RAB3C: variants seen among roughly 807,000 people sequenced by gnomAD.
The protein encoded by RAB3C is ras-related protein Rab-3C.
RAB3C carries 17 observed loss-of-function variants against 26.4 expected under a neutral mutation model. That is an observed-to-expected ratio of 0.64 (90% CI 0.44 to 0.97). The LOEUF (loss-of-function observed/expected upper bound fraction) is 0.97, where lower values mean the gene tolerates loss of function less well. Ranked by LOEUF, RAB3C falls within the 50% of genes least tolerant of loss-of-function variation. The pLI is 0.00. For missense variants in RAB3C, 242 were observed against 281.9 expected (o/e 0.86, Z 1.01); for synonymous variants, 91 against 95.9 (o/e 0.95, Z 0.30).
At chr5:58,710,580 A>G (rs1444911017) in intron 2 of RAB3C, among the ~76,000 whole-genome samples, 1 of 150,374 alleles carries the variant, frequency 6.7e-6, no homozygotes, top group African/African-American at 2.5e-5. Context: ...GCCTGGGCAA[A>G]AGAGCAAGAC....
chr5:58,736,594 A>G (rs1413258610), intron 3 of RAB3C, among the ~76,000 whole-genome samples: 1 of 152,222 alleles, frequency 6.6e-6, no homozygotes, highest in Admixed American at 6.5e-5. Flanking sequence ...AACATGAACC[A>G]GTGCAGCCCA....
intron 1 of RAB3C, among the ~76,000 whole-genome samples, chr5:58,595,114 G>A (rs746492891): frequency 6.6e-6 from 1 of 152,156 alleles, no homozygotes; most frequent in Non-Finnish European, 1.5e-5. Flanking sequence ...GACTGATGGA[G>A]AAAGTCAAGG....
chr5:58,718,616 A>C (rs1749222646), intron 2 of RAB3C, among the ~76,000 whole-genome samples: 1 of 152,090 alleles, frequency 6.6e-6, no homozygotes, highest in African/African-American at 2.4e-5. Flanking sequence ...ACTAAACATC[A>C]TGACAAGAAA....
intron 3 of RAB3C, chr5:58,794,647 T>C (rs931499983): frequency 3.3e-5 from 5 of 152,204 alleles, no homozygotes; most frequent in African/African-American, 9.6e-5. Context: ...TAAAAAAACA[T>C]TTATTAAGTG....
At chr5:58,845,006 A>C (rs1743957183) in intron 4 of RAB3C, among the ~76,000 whole-genome samples, 1 of 152,188 alleles carries the variant, frequency 6.6e-6, no homozygotes, top group South Asian at 2.1e-4. Flanking sequence ...GTTGTAATGC[A>C]CTGGAGAAAG....
intron 4 of RAB3C, among the ~76,000 whole-genome samples, chr5:58,845,614 G>A (rs4382118): frequency 0.44 from 25,131 of 57,332 alleles, 3,595 homozygotes; most frequent in Non-Finnish European, 0.51. Flanking sequence ...ATATATATAT[G>A]TGTGTGTGTG....
At chr5:58,655,463 A>G (rs1374500422) in intron 2 of RAB3C, among the ~76,000 whole-genome samples, 2 of 152,216 alleles carry the variant, frequency 1.3e-5, no homozygotes, top group Non-Finnish European at 2.9e-5. Flanking sequence ...TTGTCGTGTA[A>G]TTGTTGGGAG....
chr5:58,810,500 A>G (rs1743052049), intron 3 of RAB3C, among the ~76,000 whole-genome samples: 1 of 152,052 alleles, frequency 6.6e-6, no homozygotes, highest in East Asian at 1.9e-4. Flanking sequence ...GCCCGGTAAT[A>G]TTGGACACTT....
At chr5:58,626,114 T>C (rs1747045607) in intron 2 of RAB3C, among the ~76,000 whole-genome samples, 1 of 152,200 alleles carries the variant, frequency 6.6e-6, no homozygotes, top group South Asian at 2.1e-4. Context: ...CTACTTAGTA[T>C]GTTTTCTTTT....
At chr5:58,817,897 G>C (rs890644498) in intron 3 of RAB3C, among the ~76,000 whole-genome samples, 2 of 152,128 alleles carry the variant, frequency 1.3e-5, no homozygotes, top group Non-Finnish European at 2.9e-5. Context: ...CTTGAAGTAG[G>C]CTGTGATACT....
intron 3 of RAB3C, among the ~76,000 whole-genome samples, chr5:58,801,618 T>C (rs1216860886): frequency 6.6e-6 from 1 of 152,212 alleles, no homozygotes; most frequent in Non-Finnish European, 1.5e-5. Context: ...GATTTGAAAT[T>C]TATAATTTAA....
rs1482804815 is a variant in RAB3C, at chr5:58,732,343, G to C, written c.371+6223G>C. On this transcript the variant is annotated intron_variant, in intron 3 of 4. Coordinates refer to ENST00000282878, the MANE Select transcript of RAB3C (RefSeq NM_138453.4). ...GATATATTATATAGCTCTCATTATA[G>C]GAAAGGAGAAAAAACATATCAATCT... 3.3e-5 allele frequency among the ~76,000 whole-genome samples: 5 copies of C among 151,602 alleles called. No homozygotes were observed. The East Asian group carries it at 9.7e-4, about 29-fold the overall frequency.
chr5:58,583,259 C>T (rs752318563), intron 1 of RAB3C, 27 bp downstream of exon 1: 3 of 1,613,824 alleles, frequency 1.9e-6, no homozygotes, highest in African/African-American at 1.3e-5. Flanking sequence ...AGAGTGGCCT[C>T]GGGAGGAATT....
intron 2 of RAB3C, among the ~76,000 whole-genome samples, chr5:58,725,100 T>C (rs574951092): frequency 2.0e-5 from 3 of 152,030 alleles, no homozygotes; most frequent in Non-Finnish European, 4.4e-5. Flanking sequence ...GAACTCCCTT[T>C]AGCATTTGTA....
At chr5:58,793,678 G>A (rs1260077179) in intron 3 of RAB3C, among the ~76,000 whole-genome samples, 3 of 151,826 alleles carry the variant, frequency 2.0e-5, no homozygotes, top group Admixed American at 2.0e-4. Context: ...CCAGTGTGGG[G>A]AGCTTTTAAA....
chr5:58,781,635 T>C (rs772713087), intron 3 of RAB3C, among the ~76,000 whole-genome samples: 8 of 152,138 alleles, frequency 5.3e-5, no homozygotes, highest in Non-Finnish European at 1.0e-4. Context: ...TGTTCATGTT[T>C]CACATCATCA....
rs1038333788 is a variant in RAB3C at position 58,854,036 on chromosome 5, A to G, written c.*2685A>G. On this transcript the variant is annotated 3_prime_UTR_variant, in exon 5 of 5. Transcript: ENST00000282878. Reference sequence around the variant, plus strand: ...TCCAAGGTTTTTCAGCCTTTTGGCCAACACACACACACACACACACACACA... The same window carrying G: ...TCCAAGGTTTTTCAGCCTTTTGGCCGACACACACACACACACACACACACA... 3.5e-5 allele frequency: 5 copies of G among 142,622 alleles called. No individual in the cohort carries two copies. The highest frequency in any genetic ancestry group is 6.1e-5 in the Non-Finnish European group (4 of 65,766). The allele number at this position is 142,622 out of a possible 1,614,324, so 8.8% of individuals were successfully genotyped here. A position where few individuals can be genotyped will look rare whatever the true frequency, so the allele number is the denominator to read the frequency against.
At chr5:58,591,292 G>A (rs138540003) in intron 1 of RAB3C, among the ~76,000 whole-genome samples, 1 of 152,010 alleles carries the variant, frequency 6.6e-6, no homozygotes, top group African/African-American at 2.4e-5. Context: ...TATCCTTATC[G>A]ATTTTTGGTC....
intron 3 of RAB3C, among the ~76,000 whole-genome samples, chr5:58,769,926 C>T (rs975758474): frequency 1.3e-5 from 2 of 152,060 alleles, no homozygotes; most frequent in African/African-American, 4.8e-5. Context: ...AAATCACATT[C>T]CATGGGAATA....
Sources: allele counts gnomAD v4.1 joint callset (sites outside exome capture counted in the v4.1 genomes callset), GRCh38; gene constraint gnomAD v4.1.1; transcripts MANE v1.5; gene names NCBI Gene and HGNC (gene_info 2026-07-23, HGNC 2026-07-21).